TIMM50: variants seen among roughly 807,000 people sequenced by gnomAD.
TIMM50 encodes the protein mitochondrial import inner membrane translocase subunit TIM50.
A neutral mutation model predicts 49.6 loss-of-function variants in TIMM50; 34 were observed. The ratio of observed to expected loss-of-function variants is 0.69; its 90% CI spans 0.52 to 0.91. The LOEUF is 0.91. Among genes scored for constraint, TIMM50 ranks in the 40% least tolerant of loss-of-function variants. TIMM50 has a pLI of 0.00. For synonymous variants in TIMM50, 199 were observed against 198.4 expected (o/e 1.00, Z -0.03); for missense variants, 458 against 477.8 (o/e 0.96, Z 0.39).
chr19:39,490,510 AGTACCCTCCTGG>A lies in TIMM50; in HGVS notation c.*692_*703del. 6.6e-6 allele frequency: 1 copy of A among 152,000 alleles called. No individual in the cohort carries two copies. Among genetic ancestry groups the A allele is most frequent in the East Asian group, 1.9e-4 (1 of 5,168 alleles). The allele number at this position is 152,000 out of a possible 1,614,324, so 9.4% of individuals were successfully genotyped here. ...GTGACCCTCCTGCCTCAGCCTCCTG[AGTACCCTCCTGG>A]GGACTACAGGTGCGTGCTACCATAC... On this transcript the variant is annotated 3_prime_UTR_variant, in exon 11 of 11. Transcript: ENST00000607714.
In TIMM50 at chr19:39,490,817, T is replaced by G. The variant is rs1156564444; in HGVS notation, c.*997T>G. The G allele has an allele frequency of 6.6e-6, 1 of 150,564 alleles. No individual in the cohort carries two copies. Among genetic ancestry groups the G allele is most frequent in the Non-Finnish European group, 1.5e-5 (1 of 67,628 alleles). The allele number at this position is 150,564 out of a possible 1,614,324, so 9.3% of individuals were successfully genotyped here. A position where few individuals can be genotyped will look rare whatever the true frequency, so the allele number is the denominator to read the frequency against. The stretch of plus-strand genomic sequence containing the variant: ...TGGGTGGATCACCTGAGGTCAGGAG[T>G]TCAAGACCAGCCTCAACATGGAGAA... On this transcript the variant is annotated 3_prime_UTR_variant, in exon 11 of 11. Transcript: ENST00000607714.
At chr19:39,486,361 C>T in intron 7 of TIMM50, 36 bp from the exon 8 acceptor site, 10 of 1,613,354 alleles carry the variant, frequency 6.2e-6, no homozygotes, top group Non-Finnish European at 7.6e-6. Flanking sequence ...GACCAGGGCT[C>T]AGCCTGACCT....
Position 39,488,080 on chromosome 19 carries a change from G to C in TIMM50, c.716G>C (p.Arg239Pro). Reference protein sequence around the residue: ...HHVKDISCLNRDPARVVVVDC... With the variant: ...HHVKDISCLNPDPARVVVVDC... ...TTCCAGGATATTTCATGTCTGAATC[G>C]GGACCCAGCTCGAGTAGTAGTTGTG... The change falls in exon 9 of 11, where the codon CGG (arginine) becomes CCG (proline). Residue 239 changes from arginine to proline, a missense_variant. Physicochemically the swap from Arg to Pro is moderately radical, Grantham distance 103. Coordinates refer to ENST00000607714, the MANE Select transcript of TIMM50 (RefSeq NM_001001563.5). The C allele has an allele frequency of 1.2e-6, 2 of 1,610,464 alleles. No homozygotes were observed. Among genetic ancestry groups the C allele is most frequent in the East Asian group, 2.2e-5 (1 of 44,684 alleles).
In TIMM50 at chr19:39,480,892, C is replaced by T. The variant is rs2079465842; in HGVS notation, c.39C>T (p.Ser13=). Residue 13 remains serine, a synonymous_variant, in exon 1 of 11, where the codon AGC becomes AGT. Coordinates refer to ENST00000607714, the MANE Select transcript of TIMM50 (RefSeq NM_001001563.5). ...CAGCGGTGTTCTCGCGCTTGCGAAG[C>T]GGGCTCCGGCTCGGCTCGCGGGGAC... ...ASAAVFSRLR[S]GLRLGSRGLC... The T allele has an allele frequency of 2.5e-6, 4 of 1,598,294 alleles. No individual in the cohort carries two copies. The highest frequency in any genetic ancestry group is 4.5e-5 in the East Asian group (2 of 44,592).
At position 39,485,856 on chromosome 19, in the gene TIMM50, G is replaced by A. The variant is rs144007164; in HGVS notation, c.492+49G>A. 3.1e-6 allele frequency: 5 copies of A among 1,608,912 alleles called. No homozygotes were observed. The East Asian group carries it at 6.7e-5, about 22-fold the overall frequency. On this transcript the variant is annotated intron_variant, in intron 6 of 10. Coordinates refer to ENST00000607714, the MANE Select transcript of TIMM50 (RefSeq NM_001001563.5). ...GTTGGGGATAGACCTGGGCAGTGGG[G>A]TTGTGATGAGGTGGACTTTCAGCCC...
Position 39,486,384 on chromosome 19 carries a change from T to A in TIMM50, c.598-13T>A. 3 of 1,614,038 alleles carry A rather than the reference T, an allele frequency of 1.9e-6. No individual in the cohort carries two copies. The highest frequency in any genetic ancestry group is 1.7e-6 in the Non-Finnish European group (2 of 1,179,890). ...CTCAGCCTGACCTTTTCTCGCTCCC[T>A]TCCCACCCCCAGACTGCGTTTCCAC... On this transcript the variant is annotated splice_polypyrimidine_tract_variant and intron_variant, in intron 7 of 10. Coordinates refer to ENST00000607714, the MANE Select transcript of TIMM50 (RefSeq NM_001001563.5).
chr19:39,482,740 C>CCCAGCCCCCTCCTGGCTT, intron 2 of TIMM50, 145 bp from the exon 3 acceptor site: 1 of 1,016,854 alleles, frequency 9.8e-7, no homozygotes. Context: ...AATCTTGGCT[C>CCCAGCCCCCTCCTGGCTT]CCAGCCCCCT....
At chr19:39,482,783 C>CT (rs766879720) in intron 2 of TIMM50, 102 bp from the exon 3 acceptor site, 13 of 1,527,144 alleles carry the variant, frequency 8.5e-6, no homozygotes, top group Middle Eastern at 3.4e-4. Flanking sequence ...GTGCCTCTCT[C>CT]TTTCCTCAGA....
At chr19:39,483,363 A>T in intron 4 of TIMM50, 2 of 605,646 alleles carry the variant, frequency 3.3e-6, no homozygotes, top group Non-Finnish European at 2.9e-6. Context: ...AGATGGTCAG[A>T]GACAGATGGG....
intron 1 of TIMM50, 68 bp downstream of exon 1, chr19:39,481,029 C>G (rs1600736029): frequency 6.8e-7 from 1 of 1,472,384 alleles, no homozygotes; most frequent in East Asian, 2.5e-5. Context: ...ATATCGCCGC[C>G]CCTTGGGGGT....
At chr19:39,483,185 C>G in intron 4 of TIMM50, 29 bp downstream of exon 4, 1 of 1,613,932 alleles carries the variant, frequency 6.2e-7, no homozygotes, top group Non-Finnish European at 8.5e-7. Flanking sequence ...ATTCTGGAGT[C>G]CCTGACCCTC....
In TIMM50 at chr19:39,489,972, C is replaced by A; in HGVS notation, c.*152C>A. The A allele has an allele frequency of 1.4e-6, 1 of 736,884 alleles. No individual in the cohort carries two copies. Among genetic ancestry groups the A allele is most frequent in the Non-Finnish European group, 2.2e-6 (1 of 445,880 alleles). 45.6% of individuals were successfully genotyped at this position (736,884 alleles called of 1,614,324 possible). On this transcript the variant is annotated 3_prime_UTR_variant, in exon 11 of 11. Coordinates refer to ENST00000607714, the MANE Select transcript of TIMM50 (RefSeq NM_001001563.5). ...CAGATGGGGGCATCAGGGTGAGGTC[C>A]GGGACTCTTGGGTCATCGTCCCACA...
chr19:39,483,001 C>T, intron 3 of TIMM50, 85 bp downstream of exon 3: 1 of 1,608,802 alleles, frequency 6.2e-7, no homozygotes, highest in Non-Finnish European at 8.5e-7. Flanking sequence ...AGGCACATTG[C>T]TGGTCTGGAG....
At chr19:39,482,174 C>T in intron 2 of TIMM50, 141 bp downstream of exon 2, 3 of 1,071,320 alleles carry the variant, frequency 2.8e-6, no homozygotes, top group Non-Finnish European at 4.0e-6. Flanking sequence ...AATAAGACAC[C>T]TACCTTGAAA....
rs2079557482 is a variant in TIMM50, at chr19:39,492,894, A to AAAC, written c.*3076_*3077insCAA. The AAAC allele has an allele frequency of 7.3e-5, 10 of 137,478 alleles. No individual in the cohort carries two copies. The highest frequency in any genetic ancestry group is 2.9e-4 in the Admixed American group (4 of 13,734). 8.5% of individuals were successfully genotyped at this position (137,478 alleles called of 1,614,324 possible). A position where few individuals can be genotyped will look rare whatever the true frequency, so the allele number is the denominator to read the frequency against. ...TCCAAAAAAAAAAAAAAAAAAAAACAAAAAAAAAACCAGTTTGACTTTATC... is the reference window on the plus strand; with the variant it reads ...TCCAAAAAAAAAAAAAAAAAAAAACAAACAAAAAAAAACCAGTTTGACTTTATC... On this transcript the variant is annotated 3_prime_UTR_variant, in exon 11 of 11. Coordinates refer to ENST00000607714, the MANE Select transcript of TIMM50 (RefSeq NM_001001563.5).
intron 1 of TIMM50, among the ~76,000 whole-genome samples, chr19:39,481,500 C>T (rs527685396): frequency 1.2e-4 from 19 of 152,276 alleles, no homozygotes; most frequent in African/African-American, 4.6e-4. Flanking sequence ...AGCAGCCGGA[C>T]GTCGTAACTC....
At chr19:39,481,101 A>G in intron 1 of TIMM50, 140 bp downstream of exon 1, 1 of 1,162,330 alleles carries the variant, frequency 8.6e-7, no homozygotes, top group South Asian at 1.6e-5. Context: ...GGCCCTTCCC[A>G]ACCTCCTGGG....
Position 39,486,306 on chromosome 19 carries a change from C to T in TIMM50, c.597+15C>T, listed in dbSNP as rs1294140965. On this transcript the variant is annotated intron_variant, in intron 7 of 10. Transcript: ENST00000607714. ...AGACTGGCATGGTGAGGCTCTGGGG[C>T]AGGGGAGGGAATATTGGTGTGGTGG... is the stretch of plus-strand genomic sequence containing the variant. 2 of 1,613,646 alleles carry T rather than the reference C, an allele frequency of 1.2e-6. No individual in the cohort carries two copies. The highest frequency in any genetic ancestry group is 1.7e-5 in the Admixed American group (1 of 60,022).
intron 1 of TIMM50, chr19:39,481,224 A>G: frequency 1.9e-6 from 1 of 531,160 alleles, no homozygotes; most frequent in Non-Finnish European, 3.3e-6. Context: ...TTCAGTGACC[A>G]CTCAGGTGAT....
Sources: allele counts gnomAD v4.1 joint callset (sites outside exome capture counted in the v4.1 genomes callset), GRCh38; gene constraint gnomAD v4.1.1; transcripts MANE v1.5; gene names NCBI Gene and HGNC (gene_info 2026-07-23, HGNC 2026-07-21).